The following NEBL variants were observed in gnomAD, a reference collection of about 807,000 sequenced individuals.
The protein encoded by NEBL is LIM and SH3 protein 2.
NEBL carries 122 observed loss-of-function variants against 140.2 expected under a neutral mutation model. That is an observed-to-expected ratio of 0.87 (90% CI 0.75 to 1.01). The LOEUF (loss-of-function observed/expected upper bound fraction) is 1.01. Among genes scored for constraint, NEBL ranks in the 50% least tolerant of loss-of-function variants. The pLI, the probability that NEBL is intolerant of heterozygous loss-of-function variation, is 0.00. For missense variants in NEBL, 1,365 were observed against 1,231.3 expected, an observed-to-expected ratio of 1.11 and a Z score of -1.62; for synonymous variants, 436 against 398.9, an observed-to-expected ratio of 1.09 and a Z score of -1.11.
chr10:21,240,151 G>A (rs1842420037), intron 3 of NEBL, among the ~76,000 whole-genome samples: 1 of 152,114 alleles, frequency 6.6e-6, no homozygotes, highest in Non-Finnish European at 1.5e-5. Context: ...TAGCAGGAAC[G>A]TTTTCTTAGT....
chr10:20,970,775 G>A (rs1836535548), intron 3 of NEBL, among the ~76,000 whole-genome samples: 1 of 152,212 alleles, frequency 6.6e-6, no homozygotes, highest in African/African-American at 2.4e-5. Flanking sequence ...AAGGAAGTTT[G>A]CAGAAGTCAT....
intron 14 of NEBL, among the ~76,000 whole-genome samples, chr10:20,832,612 A>T (rs56853452): frequency 0.039 from 4,898 of 127,066 alleles, 258 homozygotes; most frequent in African/African-American, 0.13. Context: ...AAATGTTATT[A>T]AAAAAAACTA....
At chr10:20,809,076 T>C (rs1405684824) in intron 25 of NEBL, among the ~76,000 whole-genome samples, 1 of 152,188 alleles carries the variant, frequency 6.6e-6, no homozygotes, top group Non-Finnish European at 1.5e-5. Context: ...AAAGTGACTA[T>C]AAAAGTACTA....
chr10:20,953,528 T>TTG lies in NEBL; in HGVS notation c.357+8143_357+8144insCA, dbSNP rs374708982. On this transcript the variant is annotated intron_variant, in intron 4 of 6. Coordinates refer to the NEBL transcript ENST00000417816. ...CTAATTTTTTTTTTTTTTTTTTTTT[T>TTG]GTAGGCTCTTGGATTAGACACCAAA... 9.3e-4 allele frequency among the ~76,000 whole-genome samples: 90 copies of TTG among 96,668 alleles called. 1 individual carries two copies. The highest frequency in any genetic ancestry group is 0.011 in the Middle Eastern group (2 of 178). The allele number at this position is 96,668 out of a possible 152,430, so 63.4% of individuals were successfully genotyped here.
intron 4 of NEBL, among the ~76,000 whole-genome samples, chr10:20,912,851 G>A (rs192833564): frequency 7.2e-6 from 1 of 139,672 alleles, no homozygotes; most frequent in Non-Finnish European, 1.6e-5. Context: ...TGCTGAACTT[G>A]TTCCTCATGG....
intron 3 of NEBL, among the ~76,000 whole-genome samples, chr10:21,201,477 A>G (rs1193861072): frequency 6.6e-6 from 1 of 152,218 alleles, no homozygotes; most frequent in Non-Finnish European, 1.5e-5. Context: ...GGATGGATAC[A>G]GGTTTTGTGG....
intron 3 of NEBL, among the ~76,000 whole-genome samples, chr10:20,980,884 T>C (rs1323244894): frequency 6.6e-6 from 1 of 152,238 alleles, no homozygotes; most frequent in Non-Finnish European, 1.5e-5. Context: ...GAATTTAATA[T>C]TCTTCCAAGG....
At chr10:21,089,497 G>T (rs573375588) in intron 2 of NEBL, among the ~76,000 whole-genome samples, 6 of 152,210 alleles carry the variant, frequency 3.9e-5, no homozygotes, top group African/African-American at 1.4e-4. Context: ...CCAAAGAGGT[G>T]GGGGGTGACA....
chr10:20,921,553 A>G (rs1402489726), intron 4 of NEBL, among the ~76,000 whole-genome samples: 3 of 151,956 alleles, frequency 2.0e-5, no homozygotes, highest in Admixed American at 1.3e-4. Flanking sequence ...CCCTCCCACA[A>G]TTCCAGTTCT....
chr10:20,965,141 C>A (rs1379102487), intron 3 of NEBL, among the ~76,000 whole-genome samples: 2 of 152,148 alleles, frequency 1.3e-5, no homozygotes, highest in African/African-American at 4.8e-5. Flanking sequence ...TTACTGAGCA[C>A]CTACTATGGG....
chr10:21,229,948 T>G (rs1014516310), intron 3 of NEBL, among the ~76,000 whole-genome samples: 1 of 152,226 alleles, frequency 6.6e-6, no homozygotes. Context: ...CTCGGTGCCC[T>G]GCATGGGGTG....
chr10:21,262,027 T>G (rs1414696213), intron 1 of NEBL, among the ~76,000 whole-genome samples: 1 of 152,186 alleles, frequency 6.6e-6, no homozygotes, highest in Admixed American at 6.5e-5. Flanking sequence ...GGCCCCTCTC[T>G]TTTGTAAGGC....
At chr10:20,991,358 TA>T (rs1837448051) in intron 3 of NEBL, among the ~76,000 whole-genome samples, 1 of 152,156 alleles carries the variant, frequency 6.6e-6, no homozygotes, top group African/African-American at 2.4e-5. Flanking sequence ...ATGACAGTGT[TA>T]TAAACACTGT....
intron 3 of NEBL, among the ~76,000 whole-genome samples, chr10:21,012,645 T>C (rs564199967): frequency 4.6e-5 from 7 of 152,266 alleles, no homozygotes; most frequent in African/African-American, 1.7e-4. Context: ...AGCATTGGGA[T>C]TATAGCCATA....
At chr10:20,871,121 T>C (rs1335500480) in intron 5 of NEBL, among the ~76,000 whole-genome samples, 1 of 152,234 alleles carries the variant, frequency 6.6e-6, no homozygotes, top group East Asian at 1.9e-4. Flanking sequence ...CATCTTCCTT[T>C]TTTCAGAGCA....
intron 10 of NEBL, among the ~76,000 whole-genome samples, chr10:20,852,127 A>T (rs2131069720): frequency 6.6e-6 from 1 of 152,316 alleles, no homozygotes; most frequent in East Asian, 1.9e-4. Flanking sequence ...TACATTAGTC[A>T]TATTGTATTC....
chr10:20,919,536 A>C (rs111457062), intron 4 of NEBL, among the ~76,000 whole-genome samples: 1 of 152,258 alleles, frequency 6.6e-6, no homozygotes, highest in East Asian at 1.9e-4. Flanking sequence ...AGAATGAGAT[A>C]AACAGTCCAG....
intron 3 of NEBL, among the ~76,000 whole-genome samples, chr10:21,188,801 G>A (rs951652825): frequency 3.3e-5 from 5 of 151,842 alleles, no homozygotes; most frequent in Admixed American, 3.3e-4. Flanking sequence ...CGTCGGCCAG[G>A]CTGGTCTCGA....
intron 2 of NEBL, among the ~76,000 whole-genome samples, chr10:21,083,674 G>A (rs182116851): frequency 1.7e-4 from 26 of 152,174 alleles, no homozygotes; most frequent in East Asian, 3.9e-4. Flanking sequence ...GCAAAATCCC[G>A]TCTCTACTAA....
Sources: allele counts gnomAD v4.1 joint callset (sites outside exome capture counted in the v4.1 genomes callset), GRCh38; gene constraint gnomAD v4.1.1; transcripts MANE v1.5; gene names NCBI Gene and HGNC (gene_info 2026-07-23, HGNC 2026-07-21).